Variants in SLC2A5 observed in about 807,000 individuals in gnomAD.
The protein encoded by SLC2A5 is solute carrier family 2, facilitated glucose transporter member 5.
A neutral mutation model predicts 50.3 loss-of-function variants in SLC2A5; 56 were observed. The ratio of observed to expected loss-of-function variants is 1.11; its 90% CI spans 0.90 to 1.39. The LOEUF (loss-of-function observed/expected upper bound fraction) is 1.39, where lower values mean the gene tolerates loss of function less well. Ranked by LOEUF, SLC2A5 falls within the 40% of genes most tolerant of loss-of-function variation. The pLI, the probability that SLC2A5 is intolerant of heterozygous loss-of-function variation, is 0.00. For missense variants in SLC2A5, 566 were observed against 650.1 expected (o/e 0.87, Z 1.41); for synonymous variants, 269 against 281.9 (o/e 0.95, Z 0.46).
In SLC2A5 at chr1:9,041,491, C is replaced by T. The variant is rs908334412; in HGVS notation, c.571+294G>A. 4.9e-5 allele frequency: 65 copies of T among 1,313,666 alleles called. No homozygotes were observed. The Middle Eastern group carries it at 1.9e-3, about 38-fold the overall frequency. The allele number at this position is 1,313,666 out of a possible 1,614,324, so 81.4% of individuals were successfully genotyped here. On this transcript the variant is annotated intron_variant, in intron 5 of 11. Coordinates refer to ENST00000377424, the MANE Select transcript of SLC2A5 (RefSeq NM_003039.3). ...ACTGGTGGCTGTCATTGCTATGCCA[C>T]GGGCCTCCATATGGACAGCTGCTGA...
At chr1:9,060,104 A>ACACT (rs1557675983) in intron 1 of SLC2A5, among the ~76,000 whole-genome samples, 14 of 127,522 alleles carry the variant, frequency 1.1e-4, no homozygotes, top group Non-Finnish European at 8.3e-5. Flanking sequence ...CAACACACAC[A>ACACT]ATACACACAC....
intron 2 of SLC2A5, among the ~76,000 whole-genome samples, chr1:9,081,276 A>C (rs1557685755): frequency 1.1e-4 from 16 of 141,358 alleles, no homozygotes; most frequent in Admixed American, 9.0e-4. Context: ...AAAAAAAAAA[A>C]AAACCCCAAA....
intron 2 of SLC2A5, among the ~76,000 whole-genome samples, chr1:9,083,960 C>T (rs974513502): frequency 7.3e-5 from 11 of 151,686 alleles, no homozygotes; most frequent in Admixed American, 5.3e-4. Flanking sequence ...CTGGCTAACA[C>T]GGTGAAACCC....
intron 3 of SLC2A5, among the ~76,000 whole-genome samples, chr1:9,056,787 G>A (rs779134652): frequency 1.8e-4 from 27 of 152,172 alleles, no homozygotes; most frequent in Non-Finnish European, 3.5e-4. Context: ...CGAGGCTGGT[G>A]TCACAAGAGA....
At position 9,035,723 on chromosome 1, in the gene SLC2A5, C is replaced by T. The variant is rs1489499682; in HGVS notation, c.*1863G>A. ...GGAGAGACCTGTGTTAGACCATTTT[C>T]ATGCTGCTGATAAAGATGTATCAGA... On this transcript the variant is annotated 3_prime_UTR_variant, in exon 12 of 12. Transcript: ENST00000377424. The T allele has an allele frequency of 6.6e-6, 1 of 152,238 alleles. No homozygotes were observed. The highest frequency in any genetic ancestry group is 1.5e-5 in the Non-Finnish European group (1 of 68,082). The allele number at this position is 152,238 out of a possible 1,614,324, so 9.4% of individuals were successfully genotyped here.
At chr1:9,092,095 G>T (rs745932631), upstream of SLC2A5, among the ~76,000 whole-genome samples, 1 of 152,090 alleles carries the variant, frequency 6.6e-6, no homozygotes, top group Non-Finnish European at 1.5e-5. Context: ...TCCAGAAAAG[G>T]TTGCAGTTAT....
Position 9,038,825 on chromosome 1 carries a change from C to A in SLC2A5, c.1098+3G>T. On this transcript the variant is annotated splice_donor_region_variant and intron_variant, in intron 9 of 11. Transcript: ENST00000377424. ...GGCTCCTGGGACCCTGGCCTGTCCT[C>A]ACCTGCAGTGCCAGAGCTGCAGTGA... 6.2e-7 allele frequency: 1 copy of A among 1,603,044 alleles called. No individual in the cohort carries two copies. The highest frequency in any genetic ancestry group is 8.5e-7 in the Non-Finnish European group (1 of 1,175,580).
In SLC2A5 at chr1:9,044,194, G is replaced by A. The variant is rs909036791; in HGVS notation, c.419-2257C>T. On this transcript the variant is annotated intron_variant, in intron 4 of 11. Transcript: ENST00000377424. ...AAATACAAAAAAATTAGCTGGGCAC[G>A]GTGGCACATGCCTACAGTGCTAGCT... Among the ~76,000 whole-genome samples, 7 of 151,788 alleles carry A rather than the reference G, an allele frequency of 4.6e-5. No individual in the cohort carries two copies. In the South Asian group the frequency reaches 1.5e-3, roughly 32 times the overall value.
rs771448887 is a variant in SLC2A5, at chr1:9,039,832, T to G, written c.853A>C (p.Met285Leu). 9.0e-5 allele frequency: 145 copies of G among 1,605,092 alleles called. No individual in the cohort carries two copies. Among genetic ancestry groups the G allele is most frequent in the Admixed American group, 3.9e-4 (23 of 59,194 alleles). The change falls in exon 7 of 12, where the codon ATG becomes CTG. Residue 285 changes from methionine (M) to leucine (L), a missense_variant. Transcript: ENST00000377424. Reference sequence around the variant, plus strand: ...ACGCCCGACAGCTGCTGGCCGCCCATGAGGACGATGATGGACAGCAGCTGC... The same window carrying G: ...ACGCCCGACAGCTGCTGGCCGCCCAGGAGGACGATGATGGACAGCAGCTGC... ...RWQLLSIIVL[M>L]GGQQLSGVNA...
At chr1:9,043,472 G>A (rs1641356886) in intron 4 of SLC2A5, among the ~76,000 whole-genome samples, 1 of 152,132 alleles carries the variant, frequency 6.6e-6, no homozygotes, top group African/African-American at 2.4e-5. Context: ...CCAGGGCAAA[G>A]GGCTGCAGAG....
At chr1:9,065,642 G>T (rs1464163174) in intron 1 of SLC2A5, among the ~76,000 whole-genome samples, 1 of 152,158 alleles carries the variant, frequency 6.6e-6, no homozygotes, top group Non-Finnish European at 1.5e-5. Context: ...TCGAAGCCTG[G>T]CTCTGCTGGG....
chr1:9,053,062 ATATTATATATTTATATAT>A (rs1290848885), intron 3 of SLC2A5, among the ~76,000 whole-genome samples: 1 of 110,568 alleles, frequency 9.0e-6, no homozygotes, highest in African/African-American at 4.0e-5. Flanking sequence ...TATATAATAT[ATATTATATATTTATATAT>A]TAATATATAA....
chr1:9,043,072 C>A (rs374544783), intron 4 of SLC2A5, among the ~76,000 whole-genome samples: 1 of 152,056 alleles, frequency 6.6e-6, no homozygotes, highest in South Asian at 2.1e-4. Flanking sequence ...ACATATATTG[C>A]CCTATTTAAT....
intron 2 of SLC2A5, among the ~76,000 whole-genome samples, chr1:9,077,448 C>A (rs61103698): frequency 0.13 from 15,502 of 115,102 alleles, 1,032 homozygotes; most frequent in East Asian, 0.28. Flanking sequence ...AAAAAAAAAA[C>A]CCCCAGAAAA....
At chr1:9,065,133 C>A (rs1046029739) in intron 1 of SLC2A5, among the ~76,000 whole-genome samples, 1 of 151,950 alleles carries the variant, frequency 6.6e-6, no homozygotes, top group Non-Finnish European at 1.5e-5. Context: ...CTAACAAACA[C>A]CGTTTGTAAT....
In SLC2A5 at chr1:9,037,834, C is replaced by T. The variant is rs780918978; in HGVS notation, c.1303-45G>A. 3.7e-6 allele frequency: 6 copies of T among 1,613,716 alleles called. No individual in the cohort carries two copies. In the South Asian group the frequency reaches 4.4e-5, roughly 12 times the overall value. ...TGACACGTGTGGGACGTGGTTTGCC[C>T]AGGGGCTCGCACTGTACTGCATGGG... On this transcript the variant is annotated intron_variant, in intron 11 of 11. Coordinates refer to ENST00000377424, the MANE Select transcript of SLC2A5 (RefSeq NM_003039.3).
chr1:9,068,598 CCT>C (rs1387229421), intron 1 of SLC2A5, among the ~76,000 whole-genome samples: 12 of 151,920 alleles, frequency 7.9e-5, no homozygotes, highest in African/African-American at 2.9e-4. Flanking sequence ...ATTACAGGCA[CCT>C]GCCACCACGC....
chr1:9,038,576 C>A, intron 9 of SLC2A5, 70 bp from the exon 10 acceptor site: 1 of 1,399,504 alleles, frequency 7.1e-7, no homozygotes, highest in Admixed American at 1.8e-5. Context: ...GGCGGCCAAC[C>A]TGCCCTGGTG....
rs745604756 is a variant in SLC2A5, at chr1:9,038,501, T to C, written c.1104A>G (p.Thr368=). 5.0e-6 allele frequency: 8 copies of C among 1,611,406 alleles called. No individual in the cohort carries two copies. Among genetic ancestry groups the C allele is most frequent in the Non-Finnish European group, 2.5e-6 (3 of 1,178,052 alleles). Reference sequence around the variant, plus strand: ...TGCTGATGTATGGCATCCAGGACACTGTGTCCTGTGGAGAGAAAGCAGTTG... The same window carrying C: ...TGCTGATGTATGGCATCCAGGACACCGTGTCCTGTGGAGAGAAAGCAGTTG... ...VLTAALALQD[T]VSWMPYISIV... The change falls in exon 10 of 12, where the codon ACA becomes ACG. Residue 368 remains threonine, a synonymous_variant. Transcript: ENST00000377424.
Sources: gnomAD v4.1 joint callset for allele counts (sites outside exome capture counted in the v4.1 genomes callset) on GRCh38, gnomAD v4.1.1 for gene constraint, MANE v1.5 for transcripts, NCBI Gene and HGNC (gene_info 2026-07-23, HGNC 2026-07-21) for gene names.